The following LANCL2 variants were observed in gnomAD, a reference collection of about 807,000 sequenced individuals.
The protein encoded by LANCL2 is LanC like glutathione S-transferase 2.
A neutral mutation model predicts 56.9 loss-of-function variants in LANCL2; 33 were observed. The observed-to-expected ratio is 0.58, with a 90% CI of 0.44 to 0.78. LANCL2 has a LOEUF of 0.78. Ranked by LOEUF, LANCL2 falls within the 30% of genes least tolerant of loss-of-function variation. LANCL2 has a pLI of 0.00. For missense variants in LANCL2, 562 were observed against 580.2 expected (o/e 0.97, Z 0.32); for synonymous variants, 233 against 228.2 (o/e 1.02, Z -0.19).
At chr7:55,423,588 G>A (rs1093254) in intron 6 of LANCL2, among the ~76,000 whole-genome samples, 5,035 of 152,294 alleles carry the variant, frequency 0.033, 264 homozygotes, top group African/African-American at 0.11. Flanking sequence ...GCACAATACC[G>A]TAGAAAGAGT....
Position 55,431,614 on chromosome 7 carries a change from G to A in LANCL2, c.*294G>A, listed in dbSNP as rs1334521741. The A allele has an allele frequency of 9.2e-6, 3 of 327,548 alleles. No individual in the cohort carries two copies. The highest frequency in any genetic ancestry group is 6.4e-5 in the African/African-American group (3 of 46,918). The allele number at this position is 327,548 out of a possible 1,614,324, so 20.3% of individuals were successfully genotyped here. A position where few individuals can be genotyped will look rare whatever the true frequency, so the allele number is the denominator to read the frequency against. On this transcript the variant is annotated 3_prime_UTR_variant, in exon 9 of 9. Transcript: ENST00000254770. ...AAATGGAAGGCCCTTCTATTCCTGA[G>A]GGCTCAGAGCTGACCATGCATGAAT... is the stretch of plus-strand genomic sequence containing the variant.
At chr7:55,398,064 A>G (rs1305290146) in intron 2 of LANCL2, among the ~76,000 whole-genome samples, 1 of 152,256 alleles carries the variant, frequency 6.6e-6, no homozygotes, top group Non-Finnish European at 1.5e-5. Flanking sequence ...GATCCAAGTT[A>G]GGATCTACAA....
At chr7:55,405,223 G>T (rs1467480932) in intron 5 of LANCL2, among the ~76,000 whole-genome samples, 3 of 152,122 alleles carry the variant, frequency 2.0e-5, no homozygotes, top group African/African-American at 7.2e-5. Flanking sequence ...GGAGACTGTT[G>T]CCCTGGTTGA....
intron 1 of LANCL2, 50 bp downstream of exon 1, chr7:55,366,279 G>A (rs933400318): frequency 7.1e-7 from 1 of 1,400,976 alleles, no homozygotes; most frequent in South Asian, 1.4e-5. Context: ...GCGCGGCGGT[G>A]GTAGCGTCCA....
chr7:55,398,436 G>T lies in LANCL2; in HGVS notation c.336G>T (p.Leu112Phe), dbSNP rs753506581. ...AAATTATTCCAGGCATAGCCCTTTT[G>T]TACCTGCAGTTGTACCGGGTCACAT... ...AYTGWTGIAL[L>F]YLQLYRVTCD... The change falls in exon 3 of 9, where the codon TTG becomes TTT. Residue 112 changes from leucine (L) to phenylalanine (F), a missense_variant. Transcript: ENST00000254770. 6.2e-7 allele frequency: 1 copy of T among 1,613,820 alleles called. No homozygotes were observed. The highest frequency in any genetic ancestry group is 1.7e-4 in the Middle Eastern group (1 of 6,060).
chr7:55,419,548 C>T (rs999182645), intron 6 of LANCL2, among the ~76,000 whole-genome samples: 2 of 151,712 alleles, frequency 1.3e-5, no homozygotes, highest in African/African-American at 2.4e-5. Flanking sequence ...ATTACAGACA[C>T]GAGGTACCAC....
At chr7:55,413,533 G>T (rs1790493786) in intron 6 of LANCL2, among the ~76,000 whole-genome samples, 1 of 152,210 alleles carries the variant, frequency 6.6e-6, no homozygotes, top group South Asian at 2.1e-4. Context: ...AGGCTGTCCT[G>T]TGGGGACCCT....
At chr7:55,371,998 G>A (rs1331813367) in intron 1 of LANCL2, among the ~76,000 whole-genome samples, 1 of 152,032 alleles carries the variant, frequency 6.6e-6, no homozygotes, top group Admixed American at 6.6e-5. Flanking sequence ...ATCATAAGCA[G>A]TTCCTCAAAG....
chr7:55,426,386 C>T (rs1790664064), intron 7 of LANCL2, among the ~76,000 whole-genome samples: 1 of 152,208 alleles, frequency 6.6e-6, no homozygotes, highest in African/African-American at 2.4e-5. Context: ...TAGTTGTGTG[C>T]ACACAGAAAA....
intron 1 of LANCL2, 70 bp downstream of exon 1, chr7:55,366,299 A>T: frequency 7.6e-7 from 1 of 1,316,276 alleles, no homozygotes; most frequent in East Asian, 2.9e-5. Flanking sequence ...ACCTTCCGCC[A>T]GGCGTGACGT....
chr7:55,424,219 G>C (rs1790638083), intron 6 of LANCL2, among the ~76,000 whole-genome samples: 1 of 152,188 alleles, frequency 6.6e-6, no homozygotes, highest in Non-Finnish European at 1.5e-5. Context: ...CCTGTGAGGA[G>C]AAAGAAGAAA....
intron 3 of LANCL2, 39 bp downstream of exon 3, chr7:55,398,669 A>C: frequency 6.8e-7 from 1 of 1,463,220 alleles, no homozygotes; most frequent in Non-Finnish European, 9.6e-7. Context: ...CCCAATTCCC[A>C]GTGGAAGCTC....
At chr7:55,398,400 T>G (rs750574629) in intron 2 of LANCL2, 23 bp from the exon 3 acceptor site, 1 of 1,568,948 alleles carries the variant, frequency 6.4e-7, no homozygotes, top group Non-Finnish European at 8.8e-7. Context: ...ATGCTTTTCT[T>G]TTGGGGTGGG....
Position 55,431,408 on chromosome 7 carries a change from G to A in LANCL2, c.*88G>A. 1.1e-6 allele frequency: 1 copy of A among 896,224 alleles called. No individual in the cohort carries two copies. The highest frequency in any genetic ancestry group is 1.7e-6 in the Non-Finnish European group (1 of 577,036). 55.5% of individuals were successfully genotyped at this position (896,224 alleles called of 1,614,324 possible). A position where few individuals can be genotyped will look rare whatever the true frequency, so the allele number is the denominator to read the frequency against. ...TGACACAGAAACAACTGGGAATCCT[G>A]AAAGAGAAGCAGACACCGTCACAGG... On this transcript the variant is annotated 3_prime_UTR_variant, in exon 9 of 9. Transcript: ENST00000254770.
chr7:55,371,539 A>G (rs972502138), intron 1 of LANCL2, among the ~76,000 whole-genome samples: 1 of 152,144 alleles, frequency 6.6e-6, no homozygotes, highest in African/African-American at 2.4e-5. Flanking sequence ...TTAATTTGAT[A>G]TAGTAATATT....
chr7:55,387,530 G>GT (rs970581464), intron 1 of LANCL2, among the ~76,000 whole-genome samples: 15 of 148,990 alleles, frequency 1.0e-4, no homozygotes, highest in South Asian at 2.1e-4. Flanking sequence ...ATGCTTCTGA[G>GT]TTTTTTTTGG....
chr7:55,390,853 A>C (rs1790179363), intron 1 of LANCL2, among the ~76,000 whole-genome samples: 1 of 151,736 alleles, frequency 6.6e-6, no homozygotes, highest in African/African-American at 2.4e-5. Context: ...AATATTGCGT[A>C]TTTCTCTTTG....
intron 1 of LANCL2, among the ~76,000 whole-genome samples, chr7:55,388,979 G>A (rs1790156508): frequency 6.6e-6 from 1 of 152,214 alleles, no homozygotes; most frequent in Admixed American, 6.5e-5. Context: ...AACCTGGAGG[G>A]GGCTGGGGGC....
rs770593971 is a variant in LANCL2 at position 55,391,896 on chromosome 7, A to G, written c.308A>G (p.Tyr103Cys). ...KTADPHDCSA[Y>C]TGWTGIALLY... ...GCTGATCCCCATGACTGCTCTGCTT[A>G]TACTGGCTGGACAGGTGAGGCTGTG... The change falls in exon 2 of 9, where the codon TAT (tyrosine) becomes TGT (cysteine). Residue 103 changes from tyrosine (Y) to cysteine (C), a missense_variant. By Grantham distance (194) the Tyr-to-Cys change is radical. Around this residue, in one of 2 missense-constraint regions of LANCL2, gnomAD observed 378 missense variants for 468.4 expected, o/e 0.81. Transcript: ENST00000254770. 7 of 1,589,398 alleles carry G rather than the reference A, an allele frequency of 4.4e-6. No individual in the cohort carries two copies. Among genetic ancestry groups the G allele is most frequent in the Non-Finnish European group, 6.0e-6 (7 of 1,157,790 alleles).
Sources: gnomAD v4.1 joint callset for allele counts (sites outside exome capture counted in the v4.1 genomes callset) on GRCh38, gnomAD v4.1.1 for gene constraint, gnomAD v4.1.1 regional missense constraint, MANE v1.5 for transcripts, NCBI Gene and HGNC (gene_info 2026-07-23, HGNC 2026-07-21) for gene names.